MSI1: variants seen among roughly 807,000 people sequenced by gnomAD.
The protein encoded by MSI1 is RNA-binding protein Musashi homolog 1.
MSI1 carries 15 observed loss-of-function variants against 54.4 expected under a neutral mutation model. That is an observed-to-expected ratio of 0.28 (90% confidence interval 0.18 to 0.42). The LOEUF (loss-of-function observed/expected upper bound fraction) is 0.42. Ranked by LOEUF, MSI1 falls within the 20% of genes least tolerant of loss-of-function variation. The pLI is 1.00. For missense variants in MSI1, 304 were observed against 506.0 expected (o/e 0.60, Z 3.83); for synonymous variants, 200 against 196.5 (o/e 1.02, Z -0.15).
intron 6 of MSI1, among the ~76,000 whole-genome samples, chr12:120,360,536 A>G (rs1226432463): frequency 6.6e-6 from 1 of 152,228 alleles, no homozygotes; most frequent in Non-Finnish European, 1.5e-5. Context: ...ACCCACTCTG[A>G]GTCCCAATCC....
intron 6 of MSI1, among the ~76,000 whole-genome samples, chr12:120,361,960 G>T (rs1017933226): frequency 1.3e-5 from 2 of 151,874 alleles, no homozygotes; most frequent in Non-Finnish European, 2.9e-5. Flanking sequence ...ATTAGTGCGA[G>T]CTCTAATGCT....
chr12:120,363,269 C>CA (rs1875803285), intron 5 of MSI1, 134 bp from the exon 6 acceptor site: 1 of 665,466 alleles, frequency 1.5e-6, no homozygotes, highest in African/African-American at 1.9e-5. Context: ...AGGCCCCCCC[C>CA]CCGCAAGCTC....
intron 9 of MSI1, 104 bp from the exon 10 acceptor site, chr12:120,353,483 GAAT>G: frequency 2.0e-6 from 2 of 990,226 alleles, no homozygotes; most frequent in South Asian, 2.7e-5. Flanking sequence ...CCTTTATCAT[GAAT>G]AATAGCTATA....
downstream of MSI1, among the ~76,000 whole-genome samples, chr12:120,340,089 C>CT (rs11399604): frequency 0.42 from 60,179 of 144,612 alleles, 13,488 homozygotes; most frequent in South Asian, 0.55. Context: ...GCCAAAATAG[C>CT]TTTTTTTTTT....
chr12:120,368,150 G>T lies in MSI1; in HGVS notation c.182+42C>A. The T allele has an allele frequency of 6.3e-7, 1 of 1,584,474 alleles. No individual in the cohort carries two copies. The highest frequency in any genetic ancestry group is 1.8e-5 in the Admixed American group (1 of 55,848). ...TACAAGGCAGTGAGTGGCGGGTGGA[G>T]GGGGGCGAGCCGGGAGCAGGAGGAG... On this transcript the variant is annotated intron_variant, in intron 3 of 14. Transcript: ENST00000257552. This position sits in a 1 kb window ranked among gnomAD's most constrained non-coding sequence, Gnocchi z 6.6.
rs758459090 is a variant in MSI1, at chr12:120,345,559, C to A, written c.*21+11G>T. The A allele has an allele frequency of 4.3e-6, 7 of 1,613,470 alleles. No homozygotes were observed. Among genetic ancestry groups the A allele is most frequent in the Non-Finnish European group, 5.9e-6 (7 of 1,179,738 alleles). On this transcript the variant is annotated intron_variant, in intron 14 of 14. Transcript: ENST00000257552. ...TGCCACCCCACCACCTGCCCACCCC[C>A]ACATCCTCACCTCCTGCCACCGTCC... is the stretch of plus-strand genomic sequence containing the variant.
rs1009249713 is a variant in MSI1 at position 120,341,930 on chromosome 12, C to T, written c.*1197G>A. Reference sequence around the variant, plus strand: ...CATGAAGGTCCAACGCTCTGAACCTCTCTTTTTCCTTAGAAGGGGGGTCTG... The same window carrying T: ...CATGAAGGTCCAACGCTCTGAACCTTTCTTTTTCCTTAGAAGGGGGGTCTG... On this transcript the variant is annotated 3_prime_UTR_variant, in exon 15 of 15. Coordinates refer to ENST00000257552, the MANE Select transcript of MSI1 (RefSeq NM_002442.4). 3.3e-5 allele frequency: 5 copies of T among 152,634 alleles called. No individual in the cohort carries two copies. The highest frequency in any genetic ancestry group is 5.9e-5 in the Non-Finnish European group (4 of 68,182). 9.5% of individuals were successfully genotyped at this position (152,634 alleles called of 1,614,324 possible).
chr12:120,348,664 A>C (rs964960911), intron 11 of MSI1, among the ~76,000 whole-genome samples: 6 of 151,654 alleles, frequency 4.0e-5, no homozygotes, highest in South Asian at 2.1e-4. Flanking sequence ...CGGGCGGATC[A>C]CCTGAAGTCG....
At chr12:120,345,539 C>A (rs1417314613) in intron 14 of MSI1, 31 bp downstream of exon 14, 28 of 1,605,504 alleles carry the variant, frequency 1.7e-5, no homozygotes, top group Non-Finnish European at 2.2e-5. Context: ...CCCAGTGCCA[C>A]CCCACCACCT....
downstream of MSI1, among the ~76,000 whole-genome samples, chr12:120,341,167 T>A (rs1425571005): frequency 6.6e-6 from 1 of 152,114 alleles, no homozygotes; most frequent in Non-Finnish European, 1.5e-5. Flanking sequence ...ATTACAGGCA[T>A]GAGCCACTGT....
chr12:120,365,299 T>A (rs1875947844), intron 4 of MSI1, among the ~76,000 whole-genome samples: 2 of 152,096 alleles, frequency 1.3e-5, no homozygotes, highest in South Asian at 2.1e-4. Context: ...ACAAGTTATT[T>A]CCCCTCTTTG....
chr12:120,367,490 T>G (rs1173213650), intron 4 of MSI1, among the ~76,000 whole-genome samples: 1 of 151,974 alleles, frequency 6.6e-6, no homozygotes. Flanking sequence ...GCAAAGCAGG[T>G]CCCTGTCTTC....
At chr12:120,353,451 G>T in intron 9 of MSI1, 72 bp from the exon 10 acceptor site, 1 of 1,330,944 alleles carries the variant, frequency 7.5e-7, no homozygotes, top group Non-Finnish European at 1.1e-6. Flanking sequence ...AAGGACCTGA[G>T]CCACTCATGT....
intron 9 of MSI1, among the ~76,000 whole-genome samples, chr12:120,355,932 C>T (rs1875078830): frequency 6.6e-6 from 1 of 152,052 alleles, no homozygotes. Flanking sequence ...TAAAGACCCC[C>T]TTGTACTGTT....
At chr12:120,347,787 C>G (rs1676410875) in intron 11 of MSI1, among the ~76,000 whole-genome samples, 1 of 152,186 alleles carries the variant, frequency 6.6e-6, no homozygotes, top group African/African-American at 2.4e-5. Context: ...GCTTGAATAA[C>G]CCAAAGCTCA....
chr12:120,346,398 AC>A, intron 12 of MSI1, 76 bp from the exon 13 acceptor site: 1 of 1,298,796 alleles, frequency 7.7e-7, no homozygotes, highest in Non-Finnish European at 1.0e-6. Flanking sequence ...AGCCTGTCCC[AC>A]CCACCCTAAC....
chr12:120,354,650 C>T (rs998091536), intron 9 of MSI1, among the ~76,000 whole-genome samples: 2 of 152,180 alleles, frequency 1.3e-5, no homozygotes, highest in African/African-American at 4.8e-5. Context: ...AGGCTGGTCT[C>T]GAACTCCCAA....
rs1876128060 is a variant in MSI1 at position 120,368,062 on chromosome 12, C to T, written c.213G>A (p.Gln71=). 1.2e-6 allele frequency: 2 copies of T among 1,613,846 alleles called. No individual in the cohort carries two copies. The highest frequency in any genetic ancestry group is 8.5e-7 in the Non-Finnish European group (1 of 1,179,928). Residue 71 remains glutamine, a synonymous_variant, in exon 4 of 15, where the codon CAG becomes CAA. Coordinates refer to ENST00000257552, the MANE Select transcript of MSI1 (RefSeq NM_002442.4). This position sits in a 1 kb window ranked among gnomAD's most constrained non-coding sequence, Gnocchi z 6.6. ...RGFGFVTFMD[Q]AGVDKVLAQS... ...GCGCCAGCACTTTATCCACCCCCGC[C>T]TGGTCCATGAAAGTGACGAAGCCGA... is the stretch of plus-strand genomic sequence containing the variant.
intron 9 of MSI1, among the ~76,000 whole-genome samples, chr12:120,356,173 C>G (rs1875100068): frequency 6.6e-6 from 1 of 152,196 alleles, no homozygotes; most frequent in African/African-American, 2.4e-5. Context: ...CCCATTTACT[C>G]CTGTCTCCAA....
Sources: gnomAD v4.1 joint callset for allele counts (sites outside exome capture counted in the v4.1 genomes callset) on GRCh38, gnomAD v4.1.1 for gene constraint, Gnocchi (gnomAD v3.1) non-coding constraint, MANE v1.5 for transcripts, NCBI Gene and HGNC (gene_info 2026-07-23, HGNC 2026-07-21) for gene names.